The following RTP2 variants were observed in gnomAD, a reference collection of about 807,000 sequenced individuals.
The protein encoded by RTP2 is receptor-transporting protein 2.
In RTP2, 12 loss-of-function variants were observed where a neutral mutation model predicts 17.9. That is an observed-to-expected ratio of 0.67 (90% CI 0.43 to 1.09). The LOEUF is 1.09. RTP2 is among the 50% of genes least tolerant of loss of function. The pLI, the probability that RTP2 is intolerant of heterozygous loss-of-function variation, is 0.00. For synonymous variants in RTP2, 126 were observed against 117.7 expected, an observed-to-expected ratio of 1.07 and a Z score of -0.46; for missense variants, 327 against 295.7, an observed-to-expected ratio of 1.11 and a Z score of -0.78.
chr3:187,699,792 C>T (rs985233396), intron 1 of RTP2, among the ~76,000 whole-genome samples: 86 of 145,202 alleles, frequency 5.9e-4, no homozygotes, highest in African/African-American at 2.2e-3. Context: ...CATATATTTT[C>T]TCTCTCTCTC....
At chr3:187,709,512 C>T in the RTP2 span, among the ~76,000 whole-genome samples, 2 of 152,072 alleles carry the variant, frequency 1.3e-5, no homozygotes, top group Non-Finnish European at 2.9e-5. Context: ...AGTGAAACCC[C>T]ATCTCTACTA....
chr3:187,711,744 C>T, the RTP2 span, among the ~76,000 whole-genome samples: 1 of 152,328 alleles, frequency 6.6e-6, no homozygotes, highest in African/African-American at 2.4e-5. Context: ...GGGTAATAAT[C>T]TCAGTTTCCA....
Position 187,698,784 on chromosome 3 carries a change from T to C in RTP2, c.392A>G (p.Glu131Gly), listed in dbSNP as rs753321584. 80 of 1,613,730 alleles carry C rather than the reference T, an allele frequency of 5.0e-5. No homozygotes were observed. Among genetic ancestry groups the C allele is most frequent in the Middle Eastern group, 1.6e-4 (1 of 6,084 alleles). Residue 131 changes from glutamate to glycine, a missense_variant, in exon 2 of 2, where the codon GAG (glutamate) becomes GGG (glycine). Glu to Gly is a moderately conservative substitution (Grantham distance 98). Transcript: ENST00000358241. ...GATGCGGTACTGGCCACCATCCTCC[T>C]CGTAGCACTGCTCGCGCAGGCTGGT...
chr3:187,699,689 G>T (rs1717791814), intron 1 of RTP2, among the ~76,000 whole-genome samples: 1 of 151,530 alleles, frequency 6.6e-6, no homozygotes, highest in South Asian at 2.1e-4. Context: ...TAGCCCTGCA[G>T]TGGGGACTGG....
At chr3:187,700,782 A>C (rs1717824675) in intron 1 of RTP2, among the ~76,000 whole-genome samples, 2 of 152,218 alleles carry the variant, frequency 1.3e-5, no homozygotes, top group African/African-American at 4.8e-5. Flanking sequence ...ATCCATGTAC[A>C]CACAGCTAGT....
chr3:187,699,077 T>G, intron 1 of RTP2, 66 bp from the exon 2 acceptor site: 2 of 1,486,452 alleles, frequency 1.3e-6, no homozygotes, highest in Non-Finnish European at 9.0e-7. Context: ...TGAGAAGCTC[T>G]GAGAGGGAAA....
At chr3:187,707,349 C>T (rs1718017509), upstream of RTP2, among the ~76,000 whole-genome samples, 1 of 152,270 alleles carries the variant, frequency 6.6e-6, no homozygotes, top group African/African-American at 2.4e-5. Flanking sequence ...TCGGGAGATA[C>T]CAATGTGATC....
At chr3:187,699,194 C>T (rs2108541181) in intron 1 of RTP2, among the ~76,000 whole-genome samples, 183 bp from the exon 2 acceptor site, 1 of 152,230 alleles carries the variant, frequency 6.6e-6, no homozygotes, top group Admixed American at 6.5e-5. Flanking sequence ...GGTGAGCACC[C>T]CTGGGACCCG....
intron 1 of RTP2, among the ~76,000 whole-genome samples, chr3:187,699,621 T>C (rs1200603084): frequency 6.6e-6 from 1 of 151,898 alleles, no homozygotes; most frequent in East Asian, 1.9e-4. Flanking sequence ...GTTTAGTTAC[T>C]ACATCTTCAC....
At position 187,698,923 on chromosome 3, in the gene RTP2, C is replaced by A. The variant is rs769455825; in HGVS notation, c.253G>T (p.Gly85Cys). The A allele has an allele frequency of 1.1e-5, 17 of 1,610,052 alleles. No individual in the cohort carries two copies. In the South Asian group the frequency reaches 1.6e-4, roughly 16 times the overall value. ...TTGAAGACGCGCATGCGCACCGAGC[C>A]CGCCCGCTGGGCGCGGTCCAGGAAC... Residue 85 changes from glycine (G) to cysteine (C), a missense_variant, in exon 2 of 2, where the codon GGC becomes TGC. Coordinates refer to ENST00000358241, the Ensembl canonical transcript of RTP2.
chr3:187,702,342 C>T lies in RTP2; in HGVS notation c.-214G>A, dbSNP rs960297939. 4.1e-5 allele frequency: 24 copies of T among 584,206 alleles called. No individual in the cohort carries two copies. The Admixed American group carries it at 5.3e-4, about 13-fold the overall frequency. The allele number at this position is 584,206 out of a possible 1,614,324, so 36.2% of individuals were successfully genotyped here. ...GAGTGAGGGCTGGGGAGAAGGGAAG[C>T]CCCAAGGGGGAGTTTCAGGGCCCTG... is the stretch of plus-strand genomic sequence containing the variant. On this transcript the variant is annotated 5_prime_UTR_variant, in exon 1 of 2. Coordinates refer to ENST00000358241, the Ensembl canonical transcript of RTP2.
chr3:187,703,328 C>T (rs1272073952), upstream of RTP2, among the ~76,000 whole-genome samples: 6 of 152,188 alleles, frequency 3.9e-5, no homozygotes, highest in African/African-American at 1.4e-4. Context: ...GAACCGGAAG[C>T]TCTTGGTGTT....
At chr3:187,703,429 GT>G (rs1167529982), upstream of RTP2, among the ~76,000 whole-genome samples, 3 of 152,228 alleles carry the variant, frequency 2.0e-5, no homozygotes, top group African/African-American at 7.2e-5. Context: ...TAGCGGCTTT[GT>G]GCTAAAGACC....
At chr3:187,712,908 G>T in the RTP2 span, among the ~76,000 whole-genome samples, 1 of 152,176 alleles carries the variant, frequency 6.6e-6, no homozygotes, top group East Asian at 1.9e-4. Flanking sequence ...GGGGCTGAGG[G>T]ACGGTAAGTT....
chr3:187,698,550 CAG>C lies in RTP2; in HGVS notation c.624_625del (p.Cys209ProfsTer65), dbSNP rs768998724. ...GAACTGCAGGTAAACAACGAGCAGG[CAG>C]AGAGAGGCCCAGAAGAGGCACCAGC... is the stretch of plus-strand genomic sequence containing the variant. On this transcript the variant is annotated frameshift_variant, in exon 2 of 2. Transcript: ENST00000358241. LOFTEE classifies it high-confidence loss of function. 3.1e-6 allele frequency: 5 copies of C among 1,613,872 alleles called. No individual in the cohort carries two copies. Among genetic ancestry groups the C allele is most frequent in the Admixed American group, 3.3e-5 (2 of 59,986 alleles).
At chr3:187,702,165 C>G in exon 1 of RTP2, 1 of 1,564,412 alleles carries the variant, frequency 6.4e-7, no homozygotes. Context: ...GAGCTCAGCC[C>G]TGGTGAGAAC....
the RTP2 span, among the ~76,000 whole-genome samples, chr3:187,708,815 A>G: frequency 6.6e-6 from 1 of 152,210 alleles, no homozygotes. Context: ...CCCATTTGAC[A>G]TAAGAGGAAA....
the RTP2 span, among the ~76,000 whole-genome samples, chr3:187,710,778 C>T: frequency 3.3e-5 from 5 of 151,996 alleles, no homozygotes; most frequent in Admixed American, 2.0e-4. Flanking sequence ...TCTGGGTTTT[C>T]GACTTGAGGA....
At chr3:187,715,507 A>G in the RTP2 span, 1 of 333,532 alleles carries the variant, frequency 3.0e-6, no homozygotes, top group Admixed American at 3.9e-5. Context: ...ATAGGAAATC[A>G]TGGTAGTATT....
Sources: gnomAD v4.1 joint callset for allele counts (sites outside exome capture counted in the v4.1 genomes callset) on GRCh38, gnomAD v4.1.1 for gene constraint, MANE v1.5 for transcripts, NCBI Gene and HGNC (gene_info 2026-07-23, HGNC 2026-07-21) for gene names.